The following VOPP1 variants were observed in gnomAD, a reference collection of about 807,000 sequenced individuals.
VOPP1 encodes the protein WW domain binding protein VOPP1.
A neutral mutation model predicts 23.5 loss-of-function variants in VOPP1; 8 were observed. The ratio of observed to expected loss-of-function variants is 0.34; its 90% CI spans 0.20 to 0.61. VOPP1 has a LOEUF of 0.61. VOPP1 is among the 20% of genes least tolerant of loss of function. VOPP1 has a pLI of 0.78. For missense variants in VOPP1, 174 were observed against 238.1 expected (o/e 0.73, Z 1.77); for synonymous variants, 83 against 97.3 (o/e 0.85, Z 0.86).
chr7:55,556,582 T>C (rs1163998946), intron 1 of VOPP1, among the ~76,000 whole-genome samples: 2 of 152,082 alleles, frequency 1.3e-5, no homozygotes, highest in Non-Finnish European at 2.9e-5. Flanking sequence ...ACATTGGGGC[T>C]TTAAGAACAT....
At chr7:55,543,151 A>G (rs1339244588) in intron 1 of VOPP1, among the ~76,000 whole-genome samples, 1 of 152,068 alleles carries the variant, frequency 6.6e-6, no homozygotes, top group Non-Finnish European at 1.5e-5. Context: ...TCCTGACCTC[A>G]TGATCCGCCC....
chr7:55,505,355 T>C (rs993422202), intron 2 of VOPP1, among the ~76,000 whole-genome samples: 2 of 152,004 alleles, frequency 1.3e-5, no homozygotes, highest in African/African-American at 4.8e-5. Flanking sequence ...AGTCCAGCAG[T>C]CTGCCTGCAG....
chr7:55,435,085 G>A (rs1212718579), downstream of VOPP1, among the ~76,000 whole-genome samples: 1 of 152,190 alleles, frequency 6.6e-6, no homozygotes, highest in African/African-American at 2.4e-5. Flanking sequence ...TCTGCGCCGC[G>A]ACTTCTATGG....
rs564141257 is a variant in VOPP1, at chr7:55,492,539, G to A, written c.192-121C>T. On this transcript the variant is annotated intron_variant, in intron 3 of 4. Transcript: ENST00000285279. Reference sequence around the variant, plus strand: ...CGGGACCAATGACTCCCAAATGCACGAGTCAGAAGGCAAGGGCAGAGCCAT... The same window carrying A: ...CGGGACCAATGACTCCCAAATGCACAAGTCAGAAGGCAAGGGCAGAGCCAT... 37 of 1,207,752 alleles carry A rather than the reference G, an allele frequency of 3.1e-5. No individual in the cohort carries two copies. The East Asian group carries it at 3.5e-4, about 11-fold the overall frequency. 74.8% of individuals were successfully genotyped at this position (1,207,752 alleles called of 1,614,324 possible).
intron 4 of VOPP1, among the ~76,000 whole-genome samples, chr7:55,474,599 C>G (rs1299502589): frequency 6.6e-6 from 1 of 152,238 alleles, no homozygotes; most frequent in African/African-American, 2.4e-5. Context: ...CAGGGCAATA[C>G]AGGAGAACAG....
chr7:55,514,734 A>G lies in VOPP1; in HGVS notation c.113+6338T>C, dbSNP rs532508188. On this transcript the variant is annotated intron_variant, in intron 2 of 4. Transcript: ENST00000285279. ...GGGACACTCATCCCCAGCTCTCTGGAGATGACACCGCAGAGTGCTTAGGCA... is the reference window on the plus strand; with the variant it reads ...GGGACACTCATCCCCAGCTCTCTGGGGATGACACCGCAGAGTGCTTAGGCA... 2.0e-5 allele frequency among the ~76,000 whole-genome samples: 3 copies of G among 152,264 alleles called. No individual in the cohort carries two copies. The East Asian group carries it at 5.8e-4, about 29-fold the overall frequency.
intron 4 of VOPP1, among the ~76,000 whole-genome samples, chr7:55,479,747 T>G (rs1792561944): frequency 6.6e-6 from 1 of 152,250 alleles, no homozygotes; most frequent in South Asian, 2.1e-4. Context: ...TCAACAATTA[T>G]TTATGCAACA....
intron 2 of VOPP1, 130 bp from the exon 3 acceptor site, chr7:55,497,820 C>A (rs117645790): frequency 0.013 from 9,124 of 726,200 alleles, 81 homozygotes; most frequent in Middle Eastern, 0.024. Flanking sequence ...AAGGACAGAA[C>A]TGCCTCCACT....
chr7:55,442,167 G>A (rs1790980850), intron 4 of VOPP1, among the ~76,000 whole-genome samples: 1 of 152,204 alleles, frequency 6.6e-6, no homozygotes, highest in Admixed American at 6.5e-5. Flanking sequence ...TTTATGACAT[G>A]TGAGGCGGCT....
At position 55,528,937 on chromosome 7, in the gene VOPP1, C is replaced by T. The variant is rs550158939; in HGVS notation, c.55-7807G>A. 2.0e-5 allele frequency among the ~76,000 whole-genome samples: 3 copies of T among 152,212 alleles called. No individual in the cohort carries two copies. The East Asian group carries it at 5.8e-4, about 29-fold the overall frequency. ...TTAATTTCAACAATGTAAAAATAAA[C>T]ATATTCATAGGAGAAAGAATGTAAC... On this transcript the variant is annotated intron_variant, in intron 1 of 4. Transcript: ENST00000285279.
intron 1 of VOPP1, among the ~76,000 whole-genome samples, chr7:55,545,177 T>C (rs1797312549): frequency 6.6e-6 from 1 of 152,234 alleles, no homozygotes; most frequent in Non-Finnish European, 1.5e-5. Flanking sequence ...TTTCCATTTA[T>C]ATACATATAT....
Position 55,532,422 on chromosome 7 carries a change from G to A in VOPP1, c.55-11292C>T, listed in dbSNP as rs151324768. Among the ~76,000 whole-genome samples, 376 of 151,838 alleles carry A rather than the reference G, an allele frequency of 2.5e-3. 1 individual carries two copies. The highest frequency in any genetic ancestry group is 3.4e-3 in the Non-Finnish European group (231 of 68,030). On this transcript the variant is annotated intron_variant, in intron 1 of 4. Coordinates refer to ENST00000285279, the MANE Select transcript of VOPP1 (RefSeq NM_030796.5). Reference sequence around the variant, plus strand: ...CTGGCGCATGCCCACTATTCTAAGAGCCTCCTGCTAAGTCGTTACATTGTG... The same window carrying A: ...CTGGCGCATGCCCACTATTCTAAGAACCTCCTGCTAAGTCGTTACATTGTG...
rs1427398065 is a variant in VOPP1 at position 55,505,593 on chromosome 7, T to C, written c.114-7903A>G. The stretch of plus-strand genomic sequence containing the variant: ...GCACGTGCATTTTATGGTAGGTGAA[T>C]TGTACCTTAATTTAGAAAGAGAGAG... On this transcript the variant is annotated intron_variant, in intron 2 of 4. Coordinates refer to ENST00000285279, the MANE Select transcript of VOPP1 (RefSeq NM_030796.5). Among the ~76,000 whole-genome samples the C allele has an allele frequency of 4.1e-5, 6 of 144,992 alleles. No homozygotes were observed. In the East Asian group the frequency reaches 1.2e-3, roughly 30 times the overall value.
intron 4 of VOPP1, among the ~76,000 whole-genome samples, chr7:55,475,801 G>C (rs1416726881): frequency 6.6e-6 from 1 of 152,244 alleles, no homozygotes; most frequent in Non-Finnish European, 1.5e-5. Context: ...GTAAAACCAT[G>C]GCTGCCCCTC....
At chr7:55,498,658 A>G (rs747722058) in intron 2 of VOPP1, among the ~76,000 whole-genome samples, 3 of 152,210 alleles carry the variant, frequency 2.0e-5, no homozygotes, top group Non-Finnish European at 4.4e-5. Context: ...ATTGTGATCT[A>G]GGTTCCTGCC....
intron 4 of VOPP1, among the ~76,000 whole-genome samples, chr7:55,448,435 T>C (rs1791155545): frequency 6.6e-6 from 1 of 152,208 alleles, no homozygotes; most frequent in African/African-American, 2.4e-5. Context: ...TGAAGTGGGA[T>C]GGGCGTACAG....
chr7:55,537,787 T>C (rs1796889536), intron 1 of VOPP1: 1 of 1,195,270 alleles, frequency 8.4e-7, no homozygotes, highest in East Asian at 2.8e-5. Context: ...CCAAGGAACA[T>C]GCACTTCCCA....
At chr7:55,497,582 G>A in intron 3 of VOPP1, 31 bp downstream of exon 3, 1 of 1,533,664 alleles carries the variant, frequency 6.5e-7, no homozygotes, top group Non-Finnish European at 9.0e-7. Flanking sequence ...AGAGCTCTCG[G>A]GGTAGGGAAC....
intron 1 of VOPP1, among the ~76,000 whole-genome samples, chr7:55,544,180 C>T (rs1000534950): frequency 3.9e-5 from 6 of 152,042 alleles, no homozygotes; most frequent in African/African-American, 1.4e-4. Context: ...TGTCCTTTGC[C>T]CAATGGATGT....
Sources: allele counts gnomAD v4.1 joint callset (sites outside exome capture counted in the v4.1 genomes callset), GRCh38; gene constraint gnomAD v4.1.1; transcripts MANE v1.5; gene names NCBI Gene and HGNC (gene_info 2026-07-23, HGNC 2026-07-21).